HS2ST1: variants seen among roughly 807,000 people sequenced by gnomAD.
The protein encoded by HS2ST1 is 2-O-sulfotransferase.
In HS2ST1, 18 loss-of-function variants were observed where a neutral mutation model predicts 42.9. The ratio of observed to expected loss-of-function variants is 0.42; its 90% CI spans 0.29 to 0.62. The LOEUF is 0.62. HS2ST1 is among the 20% of genes least tolerant of loss of function. The probability of loss-of-function intolerance (pLI) is 0.21; values close to 1 mark genes in which losing one functional copy is unlikely to be tolerated. For synonymous variants in HS2ST1, 146 were observed against 152.9 expected (o/e 0.95, Z 0.33); for missense variants, 334 against 433.8 (o/e 0.77, Z 2.04).
intron 1 of HS2ST1, among the ~76,000 whole-genome samples, chr1:87,028,558 T>C (rs1045939414): frequency 5.9e-5 from 9 of 152,232 alleles, no homozygotes; most frequent in African/African-American, 2.2e-4. Context: ...ACTGACAACA[T>C]TGTTTTATTT....
At chr1:86,969,745 A>T (rs967247979) in intron 1 of HS2ST1, among the ~76,000 whole-genome samples, 1 of 151,544 alleles carries the variant, frequency 6.6e-6, no homozygotes, top group East Asian at 1.9e-4. Context: ...AGTTATATAA[A>T]ATATCTTAAT....
chr1:86,940,423 C>T (rs1023601989), intron 1 of HS2ST1, among the ~76,000 whole-genome samples: 6 of 151,866 alleles, frequency 4.0e-5, no homozygotes, highest in Admixed American at 2.0e-4. Flanking sequence ...CATGTATAAA[C>T]GTTATTAAAA....
Position 86,979,056 on chromosome 1 carries a change from A to G in HS2ST1, c.124+63896A>G, listed in dbSNP as rs141325707. Among the ~76,000 whole-genome samples the G allele has an allele frequency of 4.6e-3, 698 of 151,900 alleles. 4 individuals carry two copies. Among genetic ancestry groups the G allele is most frequent in the Middle Eastern group, 0.02 (6 of 294 alleles). On this transcript the variant is annotated intron_variant, in intron 1 of 6. Coordinates refer to ENST00000370550, the MANE Select transcript of HS2ST1 (RefSeq NM_012262.4). ...TTTTTTGTAGAGATGGGGTTTTGCC[A>G]TGTTGCCCAGGCTAGTCTTGAACTC...
intron 1 of HS2ST1, among the ~76,000 whole-genome samples, chr1:87,039,331 G>A (rs893623513): frequency 3.3e-5 from 5 of 152,194 alleles, no homozygotes; most frequent in Non-Finnish European, 5.9e-5. Context: ...AACCGGTCAG[G>A]GCGCGGTGTG....
chr1:87,060,671 T>C (rs1350655547), intron 1 of HS2ST1, among the ~76,000 whole-genome samples: 2 of 152,294 alleles, frequency 1.3e-5, no homozygotes, highest in East Asian at 3.9e-4. Flanking sequence ...TATTTTTTCA[T>C]GTAGGTGATT....
At chr1:86,971,495 G>T (rs61771705) in intron 1 of HS2ST1, among the ~76,000 whole-genome samples, 8,889 of 152,124 alleles carry the variant, frequency 0.058, 371 homozygotes, top group Non-Finnish European at 0.096. Context: ...GTTTTATTAT[G>T]TACTCAGCTT....
chr1:87,045,289 G>C (rs766514234), intron 1 of HS2ST1: 59 of 1,115,538 alleles, frequency 5.3e-5, no homozygotes, highest in Non-Finnish European at 8.0e-5. Flanking sequence ...CCTGGAGGAA[G>C]TAATCTGCTT....
rs187103522 is a variant in HS2ST1, at chr1:87,008,297, T to G, written c.125-64637T>G. Among the ~76,000 whole-genome samples the G allele has an allele frequency of 2.6e-5, 4 of 152,300 alleles. No individual in the cohort carries two copies. In the East Asian group the frequency reaches 7.7e-4, roughly 29 times the overall value. The stretch of plus-strand genomic sequence containing the variant: ...TATACAGAAATTAGTCTCATTACTT[T>G]TCACAACTCGTTCTTAGGGCAAAAT... On this transcript the variant is annotated intron_variant, in intron 1 of 6. Coordinates refer to ENST00000370550, the MANE Select transcript of HS2ST1 (RefSeq NM_012262.4).
chr1:87,064,692 G>T (rs967731492), intron 1 of HS2ST1, among the ~76,000 whole-genome samples: 1 of 152,158 alleles, frequency 6.6e-6, no homozygotes, highest in Non-Finnish European at 1.5e-5. Flanking sequence ...ACAGGGGCTT[G>T]CTCTGTCATC....
intron 1 of HS2ST1, among the ~76,000 whole-genome samples, chr1:86,936,730 A>G (rs575300260): frequency 6.6e-6 from 1 of 152,264 alleles, no homozygotes; most frequent in East Asian, 1.9e-4. Flanking sequence ...TTGCAATAGA[A>G]AAGATCAATT....
At chr1:86,916,065 A>G (rs1276125978) in intron 1 of HS2ST1, among the ~76,000 whole-genome samples, 1 of 152,188 alleles carries the variant, frequency 6.6e-6, no homozygotes, top group African/African-American at 2.4e-5. Flanking sequence ...AGTTGGTGTG[A>G]AGTTGTGAAA....
At chr1:86,937,145 A>G (rs567473049) in intron 1 of HS2ST1, among the ~76,000 whole-genome samples, 96 of 152,182 alleles carry the variant, frequency 6.3e-4, no homozygotes, top group South Asian at 4.1e-3. Context: ...AATTTCATAA[A>G]GAAAATTCAG....
chr1:86,941,274 T>C (rs1449104555), intron 1 of HS2ST1, among the ~76,000 whole-genome samples: 1 of 152,168 alleles, frequency 6.6e-6, no homozygotes, highest in Non-Finnish European at 1.5e-5. Context: ...TTTGTCTTCC[T>C]ATAAATTATA....
chr1:87,068,268 C>T (rs1343389283), intron 1 of HS2ST1, among the ~76,000 whole-genome samples: 1 of 152,084 alleles, frequency 6.6e-6, no homozygotes, highest in African/African-American at 2.4e-5. Context: ...TTCTCCTTGA[C>T]GAGGTCCTTC....
chr1:86,968,279 A>G (rs1177838341), intron 1 of HS2ST1, among the ~76,000 whole-genome samples: 2 of 152,082 alleles, frequency 1.3e-5, no homozygotes, highest in Non-Finnish European at 2.9e-5. Flanking sequence ...GATTTGCACT[A>G]TATTTCCTTT....
At chr1:87,005,709 C>G (rs959896953) in intron 1 of HS2ST1, among the ~76,000 whole-genome samples, 1 of 152,140 alleles carries the variant, frequency 6.6e-6, no homozygotes, top group Admixed American at 6.5e-5. Context: ...AACTGAGATG[C>G]TCCTAAATTA....
At chr1:87,083,410 T>C (rs1422009975) in intron 2 of HS2ST1, among the ~76,000 whole-genome samples, 1 of 152,208 alleles carries the variant, frequency 6.6e-6, no homozygotes, top group Non-Finnish European at 1.5e-5. Flanking sequence ...TCTTAACCAC[T>C]TGCTATTTAT....
chr1:86,977,376 A>G (rs972690871), intron 1 of HS2ST1, among the ~76,000 whole-genome samples: 2 of 152,240 alleles, frequency 1.3e-5, no homozygotes, highest in Admixed American at 6.5e-5. Flanking sequence ...GGCACGCACA[A>G]GGGAGTGAGA....
intron 1 of HS2ST1, among the ~76,000 whole-genome samples, chr1:87,039,444 G>A (rs1361238350): frequency 5.3e-5 from 8 of 152,148 alleles, no homozygotes; most frequent in East Asian, 1.9e-4. Context: ...CAGCTATTGA[G>A]TTCTGTCCTG....
Sources: allele counts gnomAD v4.1 joint callset (sites outside exome capture counted in the v4.1 genomes callset), GRCh38; gene constraint gnomAD v4.1.1; transcripts MANE v1.5; gene names NCBI Gene and HGNC (gene_info 2026-07-23, HGNC 2026-07-21).